Variants in KAT7 observed in about 807,000 individuals in gnomAD.
The protein encoded by KAT7 is lysine acetyltransferase 7.
KAT7 carries 10 observed loss-of-function variants against 82.1 expected under a neutral mutation model. The ratio of observed to expected loss-of-function variants is 0.12; its 90% CI spans 0.08 to 0.21. KAT7 has a LOEUF of 0.21. KAT7 is among the 10% of genes least tolerant of loss of function. The probability of loss-of-function intolerance (pLI) is 1.00; values close to 1 mark genes in which losing one functional copy is unlikely to be tolerated. For missense variants in KAT7, 378 were observed against 760.9 expected (o/e 0.50, Z 5.92); for synonymous variants, 250 against 262.5 (o/e 0.95, Z 0.46).
chr17:49,824,550 G>A (rs2074345372), intron 12 of KAT7: 1 of 152,144 alleles, frequency 6.6e-6, no homozygotes, highest in Non-Finnish European at 1.5e-5. Flanking sequence ...TAGTGGAGAC[G>A]GAGTTTCTCC....
chr17:49,817,707 C>A, intron 8 of KAT7, 113 bp from the exon 9 acceptor site: 1 of 772,842 alleles, frequency 1.3e-6, no homozygotes, highest in Non-Finnish European at 2.1e-6. Flanking sequence ...CCTTAAGTGA[C>A]CTGCCTGCCT....
rs778263939 is a variant in KAT7 at position 49,830,208 on chromosome 17, T to TTTAA, written c.*2706_*2707insTTAA. 5 of 84,156 alleles carry TTTAA rather than the reference T, an allele frequency of 5.9e-5. No individual in the cohort carries two copies. The highest frequency in any genetic ancestry group is 2.9e-4 in the African/African-American group (5 of 17,164). The allele number at this position is 84,156 out of a possible 1,614,324, so 5.2% of individuals were successfully genotyped here. On this transcript the variant is annotated 3_prime_UTR_variant, in exon 15 of 15. Transcript: ENST00000259021. ...TTTTTTTTTTTTTTTTTTTTTTTTTTAAAAAAAGACAGTCTCACTCTATCA... is the reference window on the plus strand; with the variant it reads ...TTTTTTTTTTTTTTTTTTTTTTTTTTTTAAAAAAAAAGACAGTCTCACTCTATCA...
chr17:49,822,231 A>ATT (rs772844129), intron 11 of KAT7, among the ~76,000 whole-genome samples: 2 of 144,504 alleles, frequency 1.4e-5, no homozygotes, highest in African/African-American at 2.5e-5. Flanking sequence ...CCAAGGCCAG[A>ATT]TTTTTTTTTT....
At chr17:49,807,524 C>G (rs2074106562) in intron 5 of KAT7, among the ~76,000 whole-genome samples, 1 of 152,182 alleles carries the variant, frequency 6.6e-6, no homozygotes, top group Admixed American at 6.5e-5. Flanking sequence ...CCTTGTGGAC[C>G]TTGGCACAGG....
At chr17:49,801,701 G>T (rs2074026594) in intron 4 of KAT7, among the ~76,000 whole-genome samples, 2 of 152,062 alleles carry the variant, frequency 1.3e-5, no homozygotes, top group Admixed American at 6.6e-5. Context: ...TGTTGCCCAG[G>T]CTGGTCTTGA....
At chr17:49,808,801 G>T (rs1202694807) in intron 5 of KAT7, among the ~76,000 whole-genome samples, 1 of 152,040 alleles carries the variant, frequency 6.6e-6, no homozygotes, top group African/African-American at 2.4e-5. Context: ...CTCTATTCTT[G>T]CACTTCCTCA....
chr17:49,823,621 CACTTTTGTAGGG>C, intron 12 of KAT7: 1 of 234,276 alleles, frequency 4.3e-6, no homozygotes, highest in South Asian at 6.7e-5. Context: ...CTAGGGATTT[CACTTTTGTAGGG>C]ACTTGTCTAG....
At chr17:49,809,601 G>C (rs2074136462) in intron 6 of KAT7, among the ~76,000 whole-genome samples, 1 of 152,144 alleles carries the variant, frequency 6.6e-6, no homozygotes, top group African/African-American at 2.4e-5. Flanking sequence ...CTTGCTGACT[G>C]TGTTATTTGT....
At chr17:49,820,518 A>G (rs1305977636) in intron 9 of KAT7, among the ~76,000 whole-genome samples, 1 of 152,150 alleles carries the variant, frequency 6.6e-6, no homozygotes, top group African/African-American at 2.4e-5. Context: ...ACCTCAGGTG[A>G]TCTGCCCACC....
chr17:49,795,719 T>C, intron 2 of KAT7: 1 of 228,954 alleles, frequency 4.4e-6, no homozygotes. Flanking sequence ...ACTGAATTGT[T>C]ATTTTTTCCT....
At position 49,829,466 on chromosome 17, in the gene KAT7, A is replaced by G. The variant is rs1404798385; in HGVS notation, c.*1964A>G. 6.6e-6 allele frequency: 1 copy of G among 152,200 alleles called. No individual in the cohort carries two copies. The highest frequency in any genetic ancestry group is 2.4e-5 in the African/African-American group (1 of 41,444). 9.4% of individuals were successfully genotyped at this position (152,200 alleles called of 1,614,324 possible). A position where few individuals can be genotyped will look rare whatever the true frequency, so the allele number is the denominator to read the frequency against. On this transcript the variant is annotated 3_prime_UTR_variant, in exon 15 of 15. Coordinates refer to ENST00000259021, the MANE Select transcript of KAT7 (RefSeq NM_007067.5). ...GGGGTACAGTTGATGCCTGTAGGAG[A>G]TGGGAACAGACATTCCTTCTCATCT... is the stretch of plus-strand genomic sequence containing the variant.
At chr17:49,818,483 G>A (rs2074260772) in intron 9 of KAT7, among the ~76,000 whole-genome samples, 2 of 152,154 alleles carry the variant, frequency 1.3e-5, no homozygotes, top group Non-Finnish European at 2.9e-5. Context: ...ATCAGCCTGT[G>A]ACAGATTATG....
chr17:49,820,860 G>C (rs2074295593), intron 9 of KAT7, among the ~76,000 whole-genome samples: 1 of 150,652 alleles, frequency 6.6e-6, no homozygotes, highest in Admixed American at 6.7e-5. Context: ...AGTGGTACAT[G>C]GTTTTTATCA....
intron 9 of KAT7, among the ~76,000 whole-genome samples, chr17:49,819,666 G>A (rs2074277481): frequency 6.6e-6 from 1 of 152,134 alleles, no homozygotes; most frequent in African/African-American, 2.4e-5. Flanking sequence ...CAGATTTCAG[G>A]AAATACCTAA....
chr17:49,800,327 G>A (rs1270423101), intron 4 of KAT7, among the ~76,000 whole-genome samples: 2 of 152,088 alleles, frequency 1.3e-5, no homozygotes, highest in African/African-American at 2.4e-5. Flanking sequence ...TGGTCTTACA[G>A]CAGTTTCTCA....
chr17:49,791,888 G>A lies in KAT7; in HGVS notation c.18G>A (p.Arg6=), dbSNP rs751786375. MPRRK[R]NAGSSSDGTE... is the part of the protein sequence containing the mutation. ...TATCTGGATCTATGGTATTACAGAG[G>A]AATGCAGGCAGTAGTTCAGATGGAA... The change falls in exon 2 of 15, where the codon AGG becomes AGA. Residue 6 remains arginine, a splice_region_variant and synonymous_variant. Coordinates refer to ENST00000259021, the MANE Select transcript of KAT7 (RefSeq NM_007067.5). The A allele has an allele frequency of 1.3e-5, 21 of 1,613,886 alleles. No homozygotes were observed. In the African/African-American group the frequency reaches 2.5e-4, roughly 19 times the overall value.
At chr17:49,801,941 C>T in intron 4 of KAT7, among the ~76,000 whole-genome samples, 1 of 152,186 alleles carries the variant, frequency 6.6e-6, no homozygotes, top group East Asian at 1.9e-4. Context: ...CTTCTGTTTG[C>T]AGTTTTCTAT....
At chr17:49,800,452 G>A (rs1028945183) in intron 4 of KAT7, among the ~76,000 whole-genome samples, 1 of 152,130 alleles carries the variant, frequency 6.6e-6, no homozygotes, top group South Asian at 2.1e-4. Flanking sequence ...TAAATAATGA[G>A]AAAAACTAAG....
At position 49,811,528 on chromosome 17, in the gene KAT7, A is replaced by T; in HGVS notation, c.806A>T (p.Lys269Met). 6.4e-7 allele frequency: 1 copy of T among 1,555,182 alleles called. No homozygotes were observed. The highest frequency in any genetic ancestry group is 1.4e-5 in the African/African-American group (1 of 72,030). ...AAGGAAAAAGTGGCTGAACTCAGGA[A>T]GAAAAGAAATTCTGGACTGAGCAAA... ...RYKEKVAELR[K>M]KRNSGLSKEQ... The change falls in exon 7 of 15, where the codon AAG becomes ATG. Residue 269 changes from lysine (K) to methionine (M), a missense_variant. Lys to Met is a moderately conservative substitution (Grantham distance 95, BLOSUM62 -1). This residue lies in a region of KAT7 where 102 missense variants were observed against 129.8 expected (regional missense o/e 0.79). Transcript: ENST00000259021.
Sources: gnomAD v4.1 joint callset for allele counts (sites outside exome capture counted in the v4.1 genomes callset) on GRCh38, gnomAD v4.1.1 for gene constraint, gnomAD v4.1.1 regional missense constraint, MANE v1.5 for transcripts, NCBI Gene and HGNC (gene_info 2026-07-23, HGNC 2026-07-21) for gene names.